The following ADAMTS20 variants were observed in gnomAD, a reference collection of about 807,000 sequenced individuals.
The protein encoded by ADAMTS20 is ADAM metallopeptidase with thrombospondin type 1 motif 20.
Under a neutral mutation model 260.1 loss-of-function variants are expected in ADAMTS20, and 225 were observed. The observed-to-expected ratio is 0.87, with a 90% CI of 0.78 to 0.97. The LOEUF is 0.97. Ranked by LOEUF, ADAMTS20 falls within the 50% of genes least tolerant of loss-of-function variation. The pLI, the probability that ADAMTS20 is intolerant of heterozygous loss-of-function variation, is 0.00. For synonymous variants in ADAMTS20, 802 were observed against 769.5 expected, an observed-to-expected ratio of 1.04 and a Z score of -0.70; for missense variants, 2,400 against 2,337.7, an observed-to-expected ratio of 1.03 and a Z score of -0.55.
chr12:43,550,106 A>T (rs563221673), intron 2 of ADAMTS20, among the ~76,000 whole-genome samples: 3 of 152,336 alleles, frequency 2.0e-5, no homozygotes, highest in African/African-American at 7.2e-5. Context: ...TTTTAAAACA[A>T]CTGTCCTTAC....
chr12:43,550,669 A>G (rs1943499156), intron 2 of ADAMTS20, among the ~76,000 whole-genome samples: 1 of 152,270 alleles, frequency 6.6e-6, no homozygotes, highest in Admixed American at 6.5e-5. Flanking sequence ...AGGGATGATG[A>G]AAGAGCATCT....
chr12:43,532,453 A>G (rs1565584672), intron 2 of ADAMTS20, among the ~76,000 whole-genome samples: 1 of 152,200 alleles, frequency 6.6e-6, no homozygotes, highest in African/African-American at 2.4e-5. Flanking sequence ...AAAGAACAGC[A>G]TAGATAAAAG....
chr12:43,468,830 A>C, intron 7 of ADAMTS20, 125 bp from the exon 8 acceptor site: 1 of 560,740 alleles, frequency 1.8e-6, no homozygotes, highest in Non-Finnish European at 3.1e-6. Context: ...TTGGCTGTTA[A>C]TATTGAATAA....
At chr12:43,366,797 C>T (rs566793282) in intron 37 of ADAMTS20, among the ~76,000 whole-genome samples, 2 of 151,494 alleles carry the variant, frequency 1.3e-5, no homozygotes, top group South Asian at 4.2e-4. Flanking sequence ...ACAAAAGAAT[C>T]GATTAAAGGA....
At chr12:43,517,050 T>C (rs1943008538) in intron 3 of ADAMTS20, among the ~76,000 whole-genome samples, 1 of 152,042 alleles carries the variant, frequency 6.6e-6, no homozygotes, top group African/African-American at 2.4e-5. Context: ...AAACTAGAAA[T>C]TTAGGAGAAT....
At chr12:43,542,568 A>G (rs949014239) in intron 2 of ADAMTS20, among the ~76,000 whole-genome samples, 3 of 152,108 alleles carry the variant, frequency 2.0e-5, no homozygotes, top group Non-Finnish European at 4.4e-5. Context: ...AAATTACAAT[A>G]TACTGTCATT....
Position 43,492,486 on chromosome 12 carries a change from G to T in ADAMTS20, c.1076+19C>A. ...AAGAGTAAAGGATTGTATGGGAAGG[G>T]TTATTTCTATAATCATACCTAGTGA... On this transcript the variant is annotated intron_variant, in intron 6 of 38. Transcript: ENST00000389420. 1 of 1,612,530 alleles carries T rather than the reference G, an allele frequency of 6.2e-7. No homozygotes were observed. Among genetic ancestry groups the T allele is most frequent in the African/African-American group, 1.3e-5 (1 of 75,018 alleles).
chr12:43,415,076 G>A (rs568298410), intron 28 of ADAMTS20, among the ~76,000 whole-genome samples: 5 of 152,102 alleles, frequency 3.3e-5, no homozygotes, highest in Admixed American at 6.6e-5. Flanking sequence ...TACACGCAAC[G>A]TAAATGAGTC....
At chr12:43,435,474 A>C (rs936579416) in intron 18 of ADAMTS20, among the ~76,000 whole-genome samples, 23 of 151,810 alleles carry the variant, frequency 1.5e-4, no homozygotes, top group African/African-American at 5.3e-4. Flanking sequence ...CCCCGTCTCT[A>C]TTAAAAATAC....
Position 43,369,880 on chromosome 12 carries a change from A to T in ADAMTS20, c.5447-499T>A, listed in dbSNP as rs552148386. 4.3e-4 allele frequency among the ~76,000 whole-genome samples: 65 copies of T among 151,976 alleles called. 1 individual carries two copies. Among genetic ancestry groups the T allele is most frequent in the African/African-American group, 1.5e-3 (61 of 41,474 alleles). On this transcript the variant is annotated intron_variant, in intron 36 of 38. Transcript: ENST00000389420. ...CTTATTGCATTATGTTATTCTTTTT[A>T]TTTTTTTCAAACTTACTTTTGCTAA... is the stretch of plus-strand genomic sequence containing the variant.
intron 37 of ADAMTS20, 90 bp from the exon 38 acceptor site, chr12:43,356,678 A>G (rs1444006159): frequency 1.2e-6 from 1 of 822,080 alleles, no homozygotes; most frequent in Non-Finnish European, 2.0e-6. Flanking sequence ...GGGCAACTGA[A>G]TTAATACTAT....
chr12:43,513,513 G>C (rs1366816306), intron 3 of ADAMTS20, among the ~76,000 whole-genome samples: 2 of 151,956 alleles, frequency 1.3e-5, no homozygotes, highest in South Asian at 4.1e-4. Context: ...TAAAACAAAG[G>C]GATCTAGAAC....
In ADAMTS20 at chr12:43,463,821, ATATT is replaced by A. The variant is rs376722769; in HGVS notation, c.1509+766_1509+769del. 4.1e-4 allele frequency among the ~76,000 whole-genome samples: 63 copies of A among 152,280 alleles called. 1 individual carries two copies. In the South Asian group the frequency reaches 0.012, roughly 30 times the overall value. ...AACTGGACCCTAGGAATAGATATAGATATTTATTTTAATGACTGAATAAGTCTAC... is the reference window on the plus strand; with the variant it reads ...AACTGGACCCTAGGAATAGATATAGATATTTTAATGACTGAATAAGTCTAC... On this transcript the variant is annotated intron_variant, in intron 10 of 38. Coordinates refer to ENST00000389420, the MANE Select transcript of ADAMTS20 (RefSeq NM_025003.5).
At chr12:43,387,555 G>A (rs1476250286) in intron 29 of ADAMTS20, among the ~76,000 whole-genome samples, 1 of 152,204 alleles carries the variant, frequency 6.6e-6, no homozygotes, top group Non-Finnish European at 1.5e-5. Flanking sequence ...GAGCCAGCAG[G>A]CAGGAACATT....
rs1168193377 is a variant in ADAMTS20, at chr12:43,429,638, C to T, written c.3468G>A (p.Trp1156Ter). ...PTVLIKKMAQ[W>*]RHGSWTPCSV... ...TTACTGGGGTCCAAGAACCATGTCGCCATTGTGCCATCTTTTTTATGAGAA... is the reference window on the plus strand; with the variant it reads ...TTACTGGGGTCCAAGAACCATGTCGTCATTGTGCCATCTTTTTTATGAGAA... Residue 1156 changes from tryptophan (W) to a stop codon, truncating the protein, a stop_gained, in exon 24 of 39, where the codon TGG (tryptophan) becomes TGA (stop). Transcript: ENST00000389420. LOFTEE classifies it high-confidence loss of function. 2.5e-6 allele frequency: 4 copies of T among 1,596,714 alleles called. No homozygotes were observed. In the East Asian group the frequency reaches 6.7e-5, roughly 27 times the overall value.
At chr12:43,376,706 T>A (rs1940238033) in intron 32 of ADAMTS20, 53 bp from the exon 33 acceptor site, 1 of 1,555,484 alleles carries the variant, frequency 6.4e-7, no homozygotes, top group African/African-American at 1.4e-5. Context: ...CTTAAGGCCA[T>A]AAAATCCAAG....
At chr12:43,420,983 T>A (rs929361636) in intron 28 of ADAMTS20, among the ~76,000 whole-genome samples, 22 of 151,368 alleles carry the variant, frequency 1.5e-4, no homozygotes, top group Admixed American at 6.6e-4. Flanking sequence ...AATTTTTGTA[T>A]TTTTAGTAGA....
intron 7 of ADAMTS20, among the ~76,000 whole-genome samples, chr12:43,471,669 TCCCTGAC>T: frequency 7.2e-6 from 1 of 139,122 alleles, no homozygotes; most frequent in East Asian, 2.2e-4. Flanking sequence ...CTCAAGTGGG[TCCCTGAC>T]CCCTGACCCC....
chr12:43,467,612 T>A (rs370283021), intron 8 of ADAMTS20, among the ~76,000 whole-genome samples: 21 of 152,100 alleles, frequency 1.4e-4, no homozygotes, highest in East Asian at 1.3e-3. Context: ...TTAGTAGCCT[T>A]GAAAACCAGC....
Sources: allele counts gnomAD v4.1 joint callset (sites outside exome capture counted in the v4.1 genomes callset), GRCh38; gene constraint gnomAD v4.1.1; transcripts MANE v1.5; gene names NCBI Gene and HGNC (gene_info 2026-07-23, HGNC 2026-07-21).